The following TBX15 variants were observed in gnomAD, a reference collection of about 807,000 sequenced individuals.
The protein encoded by TBX15 is T-box transcription factor 15, also known as T-box transcription factor TBX15.
Under a neutral mutation model 53.9 loss-of-function variants are expected in TBX15, and 18 were observed. The ratio of observed to expected loss-of-function variants is 0.33; its 90% CI spans 0.23 to 0.49. The LOEUF is 0.49. Among genes scored for constraint, TBX15 ranks in the 20% least tolerant of loss-of-function variants. The pLI is 0.98. For missense variants in TBX15, 692 were observed against 749.5 expected, an observed-to-expected ratio of 0.92 and a Z score of 0.90; for synonymous variants, 295 against 278.0, an observed-to-expected ratio of 1.06 and a Z score of -0.61.
rs1405825073 is a variant in TBX15 at position 118,988,150 on chromosome 1, T to C, written c.-355A>G. The C allele has an allele frequency of 9.1e-5, 1 of 10,982 alleles. No individual in the cohort carries two copies. Among genetic ancestry groups the C allele is most frequent in the Admixed American group, 8.5e-4 (1 of 1,172 alleles). 0.7% of individuals were successfully genotyped at this position (10,982 alleles called of 1,614,324 possible). ...TTGTTATTATTATTATTCTCTCTCC[T>C]CTCTCTCTCTCTCTCTCTCTCCCCT... On this transcript the variant is annotated 5_prime_UTR_variant, in exon 1 of 8. Transcript: ENST00000369429.
intron 1 of TBX15, among the ~76,000 whole-genome samples, chr1:118,971,840 A>G (rs1352526539): frequency 2.0e-5 from 3 of 152,244 alleles, no homozygotes; most frequent in Non-Finnish European, 2.9e-5. Context: ...GGGCAAAAGG[A>G]ATAGAATAGG....
chr1:118,901,360 T>C (rs1057164769), intron 6 of TBX15: 2 of 456,456 alleles, frequency 4.4e-6, no homozygotes, highest in African/African-American at 4.0e-5. Flanking sequence ...TAATTAGCCA[T>C]TCATGGGGCA....
In TBX15 at chr1:118,948,895, G is replaced by A. The variant is rs371157006; in HGVS notation, c.206-17063C>T. On this transcript the variant is annotated intron_variant, in intron 1 of 7. Transcript: ENST00000369429. ...TAACTTGGTCCTTAGAAGAAAAAAC[G>A]CAACATGTTTCTTATCATGCTCCTA... Among the ~76,000 whole-genome samples the A allele has an allele frequency of 5.3e-5, 8 of 152,114 alleles. No homozygotes were observed. In the South Asian group the frequency reaches 8.3e-4, roughly 16 times the overall value.
chr1:118,960,700 C>T (rs541558591), intron 1 of TBX15, among the ~76,000 whole-genome samples: 65 of 152,320 alleles, frequency 4.3e-4, no homozygotes, highest in African/African-American at 1.4e-3. Flanking sequence ...CCGGCAGAGT[C>T]TCCCTCAGGA....
chr1:118,967,918 G>C (rs1657105494), intron 1 of TBX15, among the ~76,000 whole-genome samples: 1 of 152,178 alleles, frequency 6.6e-6, no homozygotes, highest in South Asian at 2.1e-4. Flanking sequence ...TAGGGAGCCT[G>C]TAATCAGACA....
chr1:118,989,028 G>GCGT (rs1291363223), upstream of TBX15, among the ~76,000 whole-genome samples: 1 of 152,208 alleles, frequency 6.6e-6, no homozygotes, highest in Non-Finnish European at 1.5e-5. Flanking sequence ...AGCTCCTCAG[G>GCGT]CGTATTCCAG....
intron 4 of TBX15, among the ~76,000 whole-genome samples, chr1:118,924,333 G>T (rs1416483376): frequency 6.6e-6 from 1 of 152,120 alleles, no homozygotes; most frequent in Non-Finnish European, 1.5e-5. Flanking sequence ...ACTGAATGTT[G>T]TGATTTTTTC....
chr1:118,938,905 A>T (rs1049852290), intron 1 of TBX15, among the ~76,000 whole-genome samples: 1 of 152,188 alleles, frequency 6.6e-6, no homozygotes, highest in Non-Finnish European at 1.5e-5. Flanking sequence ...GCATTTAACC[A>T]AAAAGACACA....
chr1:118,968,459 G>A lies in TBX15; in HGVS notation c.205+19132C>T, dbSNP rs547135999. On this transcript the variant is annotated intron_variant, in intron 1 of 7. Transcript: ENST00000369429. ...TGACCTCAAGTGATCTGCCCACCTC[G>A]GCCTCCCAAAGTGCTGGGATTACAG... is the stretch of plus-strand genomic sequence containing the variant. Among the ~76,000 whole-genome samples the A allele has an allele frequency of 3.3e-5, 5 of 152,176 alleles. No homozygotes were observed. The South Asian group carries it at 8.3e-4, about 25-fold the overall frequency.
At chr1:118,956,097 A>C (rs976165378) in intron 1 of TBX15, among the ~76,000 whole-genome samples, 2 of 152,132 alleles carry the variant, frequency 1.3e-5, no homozygotes, top group African/African-American at 4.8e-5. Flanking sequence ...ATGAATCAGG[A>C]AGCAGGCCCT....
At chr1:118,982,481 T>C (rs1209545030) in intron 1 of TBX15, among the ~76,000 whole-genome samples, 1 of 152,194 alleles carries the variant, frequency 6.6e-6, no homozygotes, top group Non-Finnish European at 1.5e-5. Context: ...AATGTAGTTG[T>C]CCCTTTCTCC....
At position 118,987,636 on chromosome 1, in the gene TBX15, C is replaced by G. The variant is rs991146487; in HGVS notation, c.160G>C (p.Gly54Arg). Reference sequence around the variant, plus strand: ...TGTGCCGCCGCGTCCTCCGTGTCTCCGAGTGGGCCCGCGGGGCTCAGCGCC... The same window carrying G: ...TGTGCCGCCGCGTCCTCCGTGTCTCGGAGTGGGCCCGCGGGGCTCAGCGCC... Reference protein sequence around the residue: ...MEALSPAGPLGDTEDAAAHGL... With the variant: ...MEALSPAGPLRDTEDAAAHGL... Residue 54 changes from glycine to arginine, a missense_variant, in exon 1 of 8, where the codon GGA becomes CGA. Physicochemically the swap from Gly to Arg is moderately radical, Grantham distance 125. This residue lies in a region of TBX15 where 307 missense variants were observed against 347.5 expected (regional missense o/e 0.88). Transcript: ENST00000369429. 2 of 1,549,834 alleles carry G rather than the reference C, an allele frequency of 1.3e-6. No individual in the cohort carries two copies. The highest frequency in any genetic ancestry group is 2.4e-5 in the South Asian group (2 of 84,052).
At chr1:118,968,135 C>T (rs1657115269) in intron 1 of TBX15, among the ~76,000 whole-genome samples, 1 of 152,154 alleles carries the variant, frequency 6.6e-6, no homozygotes, top group South Asian at 2.1e-4. Flanking sequence ...TCTTTTTCTC[C>T]TGGGAATTCC....
Position 118,924,702 on chromosome 1 carries a change from C to A in TBX15, c.637G>T (p.Val213Leu). Residue 213 changes from valine (V) to leucine (L), a missense_variant, in exon 4 of 8, where the codon GTG (valine) becomes TTG (leucine). Coordinates refer to ENST00000369429, the MANE Select transcript of TBX15 (RefSeq NM_001330677.2). ...LASGDTWMRQVVSFDKLKLTN... is the reference protein window; with the variant it reads ...LASGDTWMRQLVSFDKLKLTN... ...AGCTTGAGTTTGTCAAAACTGACCA[C>A]CTGTCTCATCCAGGTGTCTCCAGAA... 2.5e-6 allele frequency: 4 copies of A among 1,614,068 alleles called. No individual in the cohort carries two copies. The highest frequency in any genetic ancestry group is 3.4e-6 in the Non-Finnish European group (4 of 1,179,974).
intron 1 of TBX15, among the ~76,000 whole-genome samples, chr1:118,965,394 C>CAAGG (rs1657005117): frequency 6.6e-6 from 1 of 152,070 alleles, no homozygotes; most frequent in Non-Finnish European, 1.5e-5. Context: ...CCTTCAAATA[C>CAAGG]AAGGGTATTA....
chr1:118,885,577 C>A lies in TBX15; in HGVS notation c.1025-61G>T. On this transcript the variant is annotated intron_variant, in intron 7 of 7. Coordinates refer to ENST00000369429, the MANE Select transcript of TBX15 (RefSeq NM_001330677.2). ...TCTTTTAAGATGAGTCTGCCTAAGT[C>A]ACATGCAAGCCATACAGGAGGTGCC... The A allele has an allele frequency of 6.5e-7, 1 of 1,543,310 alleles. No homozygotes were observed. The highest frequency in any genetic ancestry group is 1.2e-5 in the South Asian group (1 of 83,404).
chr1:118,917,559 G>A (rs569530670), intron 5 of TBX15, among the ~76,000 whole-genome samples: 22 of 152,256 alleles, frequency 1.4e-4, no homozygotes, highest in Admixed American at 9.2e-4. Flanking sequence ...CATATGTGTC[G>A]TGGAACTTAA....
At chr1:118,886,599 G>C (rs746682229) in intron 7 of TBX15, among the ~76,000 whole-genome samples, 1 of 152,194 alleles carries the variant, frequency 6.6e-6, no homozygotes. Context: ...AGCTCCCCCA[G>C]ATGTGTAGTG....
At chr1:118,957,600 T>C (rs1456068140) in intron 1 of TBX15, among the ~76,000 whole-genome samples, 1 of 152,202 alleles carries the variant, frequency 6.6e-6, no homozygotes, top group Non-Finnish European at 1.5e-5. Flanking sequence ...TAGGTACATC[T>C]CCTAAAGCTA....
Sources: gnomAD v4.1 joint callset for allele counts (sites outside exome capture counted in the v4.1 genomes callset) on GRCh38, gnomAD v4.1.1 for gene constraint, gnomAD v4.1.1 regional missense constraint, MANE v1.5 for transcripts, NCBI Gene and HGNC (gene_info 2026-07-23, HGNC 2026-07-21) for gene names.